ZNF578: variants seen among roughly 807,000 people sequenced by gnomAD.
The protein encoded by ZNF578 is Putative chemokine-related protein B42.
ZNF578 carries 8 observed loss-of-function variants against 8.3 expected under a neutral mutation model. That is an observed-to-expected ratio of 0.96 (90% CI 0.56 to 1.74). ZNF578 has a LOEUF of 1.74. ZNF578 is among the 40% of genes most tolerant of loss of function. The pLI is 0.00. For synonymous variants in ZNF578, 206 were observed against 232.2 expected, an observed-to-expected ratio of 0.89 and a Z score of 1.03; for missense variants, 726 against 707.5, an observed-to-expected ratio of 1.03 and a Z score of -0.30.
intron 2 of ZNF578, among the ~76,000 whole-genome samples, chr19:52,484,466 T>TG: frequency 6.6e-6 from 1 of 152,148 alleles, no homozygotes; most frequent in Admixed American, 6.5e-5. Context: ...GAATATCACA[T>TG]GGGGGAGAAA....
chr19:52,512,109 C>G lies in ZNF578; in HGVS notation c.1728C>G (p.His576Gln). Residue 576 changes from histidine to glutamine, a missense_variant, in exon 6 of 6, where the codon CAC becomes CAG. Physicochemically the swap from His to Gln is conservative, Grantham distance 24. Coordinates refer to ENST00000421239, the MANE Select transcript of ZNF578 (RefSeq NM_001099694.2). ...AGTGTAATGAGTGTGGTAAGGCTCA[C>G]AATCACTTGATTGATTCATCAATCA... The part of the protein sequence containing the change: ...PYKCNECGKA[H>Q]NHLIDSSIKP... The G allele has an allele frequency of 2.5e-6, 4 of 1,611,706 alleles. No homozygotes were observed. Among genetic ancestry groups the G allele is most frequent in the Non-Finnish European group, 3.4e-6 (4 of 1,179,006 alleles).
At chr19:52,499,686 A>ATTGTTTTT (rs1229284679) in intron 3 of ZNF578, among the ~76,000 whole-genome samples, 12 of 93,964 alleles carry the variant, frequency 1.3e-4, no homozygotes, top group Admixed American at 2.6e-4. Flanking sequence ...TCACTTCCAA[A>ATTGTTTTT]TCGTTTTTTT....
At chr19:52,481,974 C>CCT (rs1568459665) in intron 2 of ZNF578, among the ~76,000 whole-genome samples, 2 of 152,112 alleles carry the variant, frequency 1.3e-5, no homozygotes, top group African/African-American at 4.8e-5. Context: ...CTCAAAGGAT[C>CCT]CTCCTGCCTT....
chr19:52,499,510 C>T (rs1357105369), intron 3 of ZNF578, among the ~76,000 whole-genome samples: 1 of 152,172 alleles, frequency 6.6e-6, no homozygotes, highest in Non-Finnish European at 1.5e-5. Flanking sequence ...CATTCCCTTG[C>T]AGTCTGCACA....
intron 2 of ZNF578, among the ~76,000 whole-genome samples, chr19:52,480,269 G>C (rs1031488723): frequency 3.3e-5 from 5 of 152,160 alleles, no homozygotes; most frequent in African/African-American, 1.2e-4. Flanking sequence ...TCCAGCATCT[G>C]ACATAATGGT....
intron 4 of ZNF578, among the ~76,000 whole-genome samples, chr19:52,503,346 G>A (rs978357480): frequency 6.6e-6 from 1 of 151,926 alleles, no homozygotes; most frequent in Non-Finnish European, 1.5e-5. Context: ...CAGCCCGGCT[G>A]GACTCTGCAC....
chr19:52,494,356 G>A (rs1406352674), intron 3 of ZNF578, among the ~76,000 whole-genome samples: 3 of 152,130 alleles, frequency 2.0e-5, no homozygotes, highest in Non-Finnish European at 4.4e-5. Context: ...ATTTAACGGG[G>A]CATGATAGTG....
intron 2 of ZNF578, among the ~76,000 whole-genome samples, chr19:52,475,518 A>G (rs1166176875): frequency 2.0e-5 from 3 of 151,892 alleles, no homozygotes; most frequent in African/African-American, 7.3e-5. Context: ...CACCACGCCC[A>G]GCTAATTTTT....
intron 4 of ZNF578, among the ~76,000 whole-genome samples, chr19:52,503,341 C>T (rs367710874): frequency 4.6e-5 from 7 of 152,034 alleles, no homozygotes; most frequent in African/African-American, 7.2e-5. Flanking sequence ...ACAGCCAGCC[C>T]GGCTGGACTC....
intron 2 of ZNF578, among the ~76,000 whole-genome samples, chr19:52,482,278 C>T (rs955151928): frequency 4.6e-5 from 7 of 152,134 alleles, no homozygotes; most frequent in African/African-American, 1.7e-4. Context: ...AGGTGATCTC[C>T]CCACCTGGGC....
chr19:52,489,653 A>G (rs1323943341), intron 2 of ZNF578, among the ~76,000 whole-genome samples: 1 of 151,546 alleles, frequency 6.6e-6, no homozygotes, highest in Non-Finnish European at 1.5e-5. Flanking sequence ...TATAGTCAAC[A>G]CCCATGGAGA....
chr19:52,499,689 G>GTTTTTT lies in ZNF578; in HGVS notation c.-19-2130_-19-2125dup, dbSNP rs66824085. 7.6e-4 allele frequency among the ~76,000 whole-genome samples: 107 copies of GTTTTTT among 141,590 alleles called. 5 individuals carry two copies. Among genetic ancestry groups the GTTTTTT allele is most frequent in the African/African-American group, 2.7e-3 (100 of 37,560 alleles). 92.9% of individuals were successfully genotyped at this position (141,590 alleles called of 152,430 possible). A position where few individuals can be genotyped will look rare whatever the true frequency, so the allele number is the denominator to read the frequency against. ...TGAGAAGATACATCACTTCCAAATC[G>GTTTTTT]TTTTTTTTTTTTTGAGATGAATTTT... is the stretch of plus-strand genomic sequence containing the variant. On this transcript the variant is annotated intron_variant, in intron 3 of 5. Coordinates refer to ENST00000421239, the MANE Select transcript of ZNF578 (RefSeq NM_001099694.2).
chr19:52,500,487 A>G (rs568491430), intron 3 of ZNF578, among the ~76,000 whole-genome samples: 103 of 151,228 alleles, frequency 6.8e-4, no homozygotes, highest in Non-Finnish European at 1.2e-3. Flanking sequence ...GCTCACTGCA[A>G]CCTCTCCCTC....
chr19:52,487,609 C>T (rs1003131506), intron 2 of ZNF578, among the ~76,000 whole-genome samples: 1 of 151,976 alleles, frequency 6.6e-6, no homozygotes, highest in Non-Finnish European at 1.5e-5. Context: ...AAAAAGTCAC[C>T]GTCTGTTATT....
intron 2 of ZNF578, among the ~76,000 whole-genome samples, chr19:52,470,178 G>A (rs2059287719): frequency 3.9e-5 from 6 of 152,188 alleles, no homozygotes; most frequent in Admixed American, 3.3e-4. Context: ...CATTCACCAT[G>A]CATTGCCTGA....
At chr19:52,483,803 C>T (rs1568460160) in intron 2 of ZNF578, among the ~76,000 whole-genome samples, 1 of 152,038 alleles carries the variant, frequency 6.6e-6, no homozygotes. Context: ...CACTGTTAGT[C>T]AGTTCTTATT....
At chr19:52,487,610 G>C (rs143206176) in intron 2 of ZNF578, among the ~76,000 whole-genome samples, 8 of 152,184 alleles carry the variant, frequency 5.3e-5, no homozygotes, top group African/African-American at 1.9e-4. Flanking sequence ...AAAAGTCACC[G>C]TCTGTTATTA....
chr19:52,465,027 C>G (rs185133601), intron 2 of ZNF578, among the ~76,000 whole-genome samples: 10 of 152,272 alleles, frequency 6.6e-5, no homozygotes, highest in African/African-American at 2.4e-4. Flanking sequence ...CGCCATCTGC[C>G]GGACTTTGTC....
chr19:52,478,353 C>A (rs1457932200), intron 2 of ZNF578, among the ~76,000 whole-genome samples: 1 of 152,030 alleles, frequency 6.6e-6, no homozygotes, highest in Admixed American at 6.6e-5. Flanking sequence ...TTGTATCGGG[C>A]CTTATGGAGA....
Sources: gnomAD v4.1 joint callset for allele counts (sites outside exome capture counted in the v4.1 genomes callset) on GRCh38, gnomAD v4.1.1 for gene constraint, MANE v1.5 for transcripts, NCBI Gene and HGNC (gene_info 2026-07-23, HGNC 2026-07-21) for gene names.